Variants in EHD2 observed in about 807,000 individuals in gnomAD.
EHD2 encodes EH domain-containing protein 2.
A neutral mutation model predicts 41.0 loss-of-function variants in EHD2; 27 were observed. The observed-to-expected ratio is 0.66, with a 90% CI of 0.49 to 0.91. The LOEUF (loss-of-function observed/expected upper bound fraction) is 0.91, where lower values mean the gene tolerates loss of function less well. Ranked by LOEUF, EHD2 falls within the 40% of genes least tolerant of loss-of-function variation. EHD2 has a pLI of 0.00. For synonymous variants in EHD2, 342 were observed against 341.0 expected (o/e 1.00, Z -0.03); for missense variants, 673 against 773.9 (o/e 0.87, Z 1.55).
chr19:47,731,314 A>ATATACATATATATATATGTGT (rs1160770476), intron 4 of EHD2: 5 of 113,984 alleles, frequency 4.4e-5, no homozygotes, highest in Non-Finnish European at 7.8e-5. Flanking sequence ...ATATATATAT[A>ATATACATATATATATATGTGT]ATTTTTTTTT....
chr19:47,740,799 A>T, intron 5 of EHD2, 82 bp from the exon 6 acceptor site: 1 of 1,462,900 alleles, frequency 6.8e-7, no homozygotes, highest in Non-Finnish European at 9.2e-7. Flanking sequence ...GAGCTTCTCC[A>T]GTGTCCTGAT....
At chr19:47,739,556 G>A (rs375836329) in intron 5 of EHD2, among the ~76,000 whole-genome samples, 2 of 142,772 alleles carry the variant, frequency 1.4e-5, no homozygotes, top group East Asian at 2.1e-4. Flanking sequence ...AGCTGAGATC[G>A]CGCCATTGCA....
chr19:47,715,078 TA>T lies in EHD2; in HGVS notation c.-55-1475del, dbSNP rs549248174. Among the ~76,000 whole-genome samples, 51 of 139,752 alleles carry T rather than the reference TA, an allele frequency of 3.6e-4. 2 individuals carry two copies. Among genetic ancestry groups the T allele is most frequent in the African/African-American group, 1.3e-3 (48 of 36,718 alleles). The allele number at this position is 139,752 out of a possible 152,430, so 91.7% of individuals were successfully genotyped here. ...ATAAATAAATAAATAAATAAATAAATAAAAAGAAAGAAAAGCAAAGCAAAGC... is the reference window on the plus strand; with the variant it reads ...ATAAATAAATAAATAAATAAATAAATAAAAGAAAGAAAAGCAAAGCAAAGC... On this transcript the variant is annotated intron_variant, in intron 1 of 5. Coordinates refer to ENST00000263277, the MANE Select transcript of EHD2 (RefSeq NM_014601.4).
At chr19:47,726,313 G>A in intron 4 of EHD2, 89 bp downstream of exon 4, 1 of 1,407,348 alleles carries the variant, frequency 7.1e-7, no homozygotes. Context: ...GACTTATCAG[G>A]GCCCAGGTTA....
At chr19:47,733,549 C>A (rs1009787691) in intron 4 of EHD2, among the ~76,000 whole-genome samples, 1 of 151,314 alleles carries the variant, frequency 6.6e-6, no homozygotes, top group African/African-American at 2.4e-5. Flanking sequence ...CGCCTGTAGT[C>A]CCAGCTACTT....
intron 1 of EHD2, among the ~76,000 whole-genome samples, chr19:47,714,183 G>A (rs987097178): frequency 1.3e-5 from 2 of 152,100 alleles, no homozygotes; most frequent in African/African-American, 2.4e-5. Context: ...TGGCCACTGG[G>A]CACCCCTGCA....
intron 4 of EHD2, chr19:47,731,295 T>TATACAC (rs1489702518): frequency 1.5e-5 from 1 of 67,328 alleles, no homozygotes; most frequent in Non-Finnish European, 3.9e-5. Context: ...TATATATATA[T>TATACAC]ATATATACAT....
In EHD2 at chr19:47,719,611, C is replaced by T. The variant is rs1973673406; in HGVS notation, c.502+1005C>T. Among the ~76,000 whole-genome samples the T allele has an allele frequency of 6.6e-6, 1 of 151,982 alleles. No homozygotes were observed. The stretch of plus-strand genomic sequence containing the variant: ...ATGTGGGGCAGAGAGGATGGGAGGC[C>T]CTGGCGAGAAGGCTGGGCCTGGGGT... On this transcript the variant is annotated intron_variant, in intron 3 of 5. Transcript: ENST00000263277. This position sits in a 1 kb window ranked among gnomAD's most constrained non-coding sequence, Gnocchi z 4.1.
chr19:47,736,865 G>A (rs1173054463), intron 5 of EHD2, among the ~76,000 whole-genome samples: 2 of 152,180 alleles, frequency 1.3e-5, no homozygotes, highest in East Asian at 3.8e-4. Context: ...CTGGCCTCCA[G>A]GCCCAAGGAA....
chr19:47,733,750 T>TCAAAAAAAAAAAAA (rs1966892900), intron 4 of EHD2, among the ~76,000 whole-genome samples: 1 of 9,226 alleles, frequency 1.1e-4, no homozygotes, highest in Non-Finnish European at 2.6e-4. Flanking sequence ...AGACTCTGTC[T>TCAAAAAAAAAAAAA]CAAAAAAAAA....
rs1452151591 is a variant in EHD2 at position 47,716,780 on chromosome 19, C to T, written c.168C>T (p.Asp56=). The part of the protein sequence containing the change: ...HSPALEDADF[D]GKPMVLVAGQ... Reference sequence around the variant, plus strand: ...CGGCCCTGGAGGACGCAGACTTCGACGGCAAGCCCATGGTGCTGGTGGCCG... The same window carrying T: ...CGGCCCTGGAGGACGCAGACTTCGATGGCAAGCCCATGGTGCTGGTGGCCG... The change falls in exon 2 of 6, where the codon GAC becomes GAT. Residue 56 remains aspartate (D), a synonymous_variant. Coordinates refer to ENST00000263277, the MANE Select transcript of EHD2 (RefSeq NM_014601.4). 2.2e-5 allele frequency: 36 copies of T among 1,612,054 alleles called. No homozygotes were observed. The highest frequency in any genetic ancestry group is 2.2e-4 in the East Asian group (10 of 44,874).
chr19:47,720,547 C>G (rs187693455), intron 3 of EHD2, among the ~76,000 whole-genome samples: 1 of 152,026 alleles, frequency 6.6e-6, no homozygotes, highest in Non-Finnish European at 1.5e-5. Context: ...GCAACTGATT[C>G]TGTCCCTATA....
Position 47,725,960 on chromosome 19 carries a change from G to A in EHD2, c.651G>A (p.Val217=). 6.2e-7 allele frequency: 1 copy of A among 1,613,302 alleles called. No individual in the cohort carries two copies. The part of the protein sequence containing the change: ...LRGHEDKIRV[V]LNKADMVETQ... ...GCCATGAGGACAAGATCCGCGTGGT[G>A]CTCAACAAGGCCGACATGGTGGAGA... Residue 217 remains valine (V), a synonymous_variant, in exon 4 of 6, where the codon GTG becomes GTA. Coordinates refer to ENST00000263277, the MANE Select transcript of EHD2 (RefSeq NM_014601.4).
At chr19:47,733,535 C>T (rs1002291785) in intron 4 of EHD2, among the ~76,000 whole-genome samples, 4 of 150,910 alleles carry the variant, frequency 2.7e-5, no homozygotes, top group South Asian at 2.1e-4. Context: ...ATCATGGTGG[C>T]GGGCGCCTGT....
rs1487863678 is a variant in EHD2, at chr19:47,716,104, C to T, written c.-55-454C>T. The stretch of plus-strand genomic sequence containing the variant: ...TTTTTTTTTTTGAGATGGGGTCTTA[C>T]TCTGTAGCCCAGGCTGGAGTGCAGC... On this transcript the variant is annotated intron_variant, in intron 1 of 5. Transcript: ENST00000263277. Among the ~76,000 whole-genome samples, 100 of 122,840 alleles carry T rather than the reference C, an allele frequency of 8.1e-4. 1 individual carries two copies. Among genetic ancestry groups the T allele is most frequent in the Middle Eastern group, 7.1e-3 (1 of 140 alleles). The allele number at this position is 122,840 out of a possible 152,430, so 80.6% of individuals were successfully genotyped here.
At chr19:47,720,034 G>A (rs1202258763) in intron 3 of EHD2, among the ~76,000 whole-genome samples, 1 of 151,400 alleles carries the variant, frequency 6.6e-6, no homozygotes, top group Non-Finnish European at 1.5e-5. Flanking sequence ...GTGGTTCCAC[G>A]CATTTGTGTA....
At chr19:47,724,007 C>T (rs753877317) in intron 3 of EHD2, among the ~76,000 whole-genome samples, 1 of 150,444 alleles carries the variant, frequency 6.6e-6, no homozygotes. Context: ...TTTAAATGTA[C>T]AGTTCAATGC....
intron 4 of EHD2, among the ~76,000 whole-genome samples, chr19:47,735,333 G>A (rs1966909877): frequency 6.6e-6 from 1 of 152,170 alleles, no homozygotes; most frequent in South Asian, 2.1e-4. Flanking sequence ...GAGGGACTCA[G>A]CTCACTTAGT....
chr19:47,739,096 C>G (rs967525573), intron 5 of EHD2, among the ~76,000 whole-genome samples: 1 of 151,876 alleles, frequency 6.6e-6, no homozygotes, highest in African/African-American at 2.4e-5. Context: ...TTTCTCTCCC[C>G]CCCTGCACAC....
Sources: allele counts gnomAD v4.1 joint callset (sites outside exome capture counted in the v4.1 genomes callset), GRCh38; gene constraint gnomAD v4.1.1; non-coding constraint Gnocchi (gnomAD v3.1); transcripts MANE v1.5; gene names NCBI Gene and HGNC (gene_info 2026-07-23, HGNC 2026-07-21).